Variants in NOTCH3 observed in about 807,000 individuals in gnomAD.
The protein encoded by NOTCH3 is neurogenic locus notch homolog protein 3.
In NOTCH3, 86 loss-of-function variants were observed where a neutral mutation model predicts 213.3. The observed-to-expected ratio is 0.40, with a 90% CI of 0.34 to 0.48. The LOEUF is 0.48. Ranked by LOEUF, NOTCH3 falls within the 20% of genes least tolerant of loss-of-function variation. The pLI, the probability that NOTCH3 is intolerant of heterozygous loss-of-function variation, is 0.57. For missense variants in NOTCH3, 2,783 were observed against 3,272.6 expected, an observed-to-expected ratio of 0.85 and a Z score of 3.65; for synonymous variants, 1,354 against 1,355.9, an observed-to-expected ratio of 1.00 and a Z score of 0.03.
intron 25 of NOTCH3, among the ~76,000 whole-genome samples, chr19:15,173,390 C>G (rs1469188712): frequency 1.6e-4 from 20 of 128,662 alleles, no homozygotes; most frequent in African/African-American, 4.9e-4. Context: ...CCTCTGCACT[C>G]TAGCCTGGGC....
rs146578114 is a variant in NOTCH3, at chr19:15,191,579, G to A, written c.881C>T (p.Thr294Met). The A allele has an allele frequency of 2.2e-5, 35 of 1,613,602 alleles. No individual in the cohort carries two copies. The highest frequency in any genetic ancestry group is 1.1e-4 in the African/African-American group (8 of 74,944). Residue 294 changes from threonine (T) to methionine (M), a missense_variant, in exon 6 of 33, where the codon ACG (threonine) becomes ATG (methionine). Around this residue, in one of 6 missense-constraint regions of NOTCH3, gnomAD observed 708 missense variants for 906.6 expected, o/e 0.78. Coordinates refer to ENST00000263388, the MANE Select transcript of NOTCH3 (RefSeq NM_000435.3). ...ACACACGCAGCTGTGGCCACCCAGC[G>A]TGTTGAAGCAGGTACCCCCATTGTG... ...ACHNGGTCFN[T>M]LGGHSCVCVN...
chr19:15,184,872 G>A, intron 15 of NOTCH3, 34 bp downstream of exon 15: 2 of 1,187,192 alleles, frequency 1.7e-6, no homozygotes, highest in Non-Finnish European at 2.5e-6. Context: ...CAGAGGAGAT[G>A]GAGAGGAGGA....
intron 16 of NOTCH3, among the ~76,000 whole-genome samples, chr19:15,182,506 CA>C (rs71168595): frequency 0.78 from 110,239 of 141,518 alleles, 42,729 homozygotes; most frequent in Non-Finnish European, 0.86. Context: ...GAACTTGTCT[CA>C]AAAAAAAAAA....
Position 15,170,319 on chromosome 19 carries a change from C to G in NOTCH3, c.5114+12G>C. ...CCCGTAGTCAGGGACAGGGAGCGAG[C>G]AGGGTTCTCACTTCATGCCCAGCGC... On this transcript the variant is annotated intron_variant, in intron 27 of 32. Coordinates refer to ENST00000263388, the MANE Select transcript of NOTCH3 (RefSeq NM_000435.3). 6.2e-7 allele frequency: 1 copy of G among 1,609,998 alleles called. No individual in the cohort carries two copies. Among genetic ancestry groups the G allele is most frequent in the South Asian group, 1.1e-5 (1 of 91,008 alleles).
Position 15,170,461 on chromosome 19 carries a change from C to T in NOTCH3, c.4984G>A (p.Val1662Ile). 6.2e-7 allele frequency: 1 copy of T among 1,609,200 alleles called. No homozygotes were observed. The highest frequency in any genetic ancestry group is 8.5e-7 in the Non-Finnish European group (1 of 1,179,976). ...VLLLVILVLG[V>I]MVARRKREHS... ...TCGCGCTTGCGCCGGGCCACCATGA[C>T]ACCCAGGACGAGAATGACCAGCAGC... is the stretch of plus-strand genomic sequence containing the variant. Residue 1662 changes from valine to isoleucine, a missense_variant, in exon 27 of 33, where the codon GTC (valine) becomes ATC (isoleucine). Physicochemically the swap from Val to Ile is conservative, Grantham distance 29 (BLOSUM62 3). Coordinates refer to ENST00000263388, the MANE Select transcript of NOTCH3 (RefSeq NM_000435.3).
chr19:15,179,251 G>A lies in NOTCH3; in HGVS notation c.3492C>T (p.Cys1164=), dbSNP rs377218877. The A allele has an allele frequency of 2.7e-5, 43 of 1,613,758 alleles. No individual in the cohort carries two copies. Among genetic ancestry groups the A allele is most frequent in the Admixed American group, 5.0e-5 (3 of 60,004 alleles). ...GVLCEINEDD[C]GPGPPLDSGP... Reference sequence around the variant, plus strand: ...CTGAGTCCAGCGGTGGGCCTGGGCCGCAGTCATCCTCATTAATCTCGCAGA... The same window carrying A: ...CTGAGTCCAGCGGTGGGCCTGGGCCACAGTCATCCTCATTAATCTCGCAGA... The change falls in exon 22 of 33, where the codon TGC becomes TGT. Residue 1164 remains cysteine (C), a synonymous_variant. Coordinates refer to ENST00000263388, the MANE Select transcript of NOTCH3 (RefSeq NM_000435.3).
chr19:15,170,578 G>A lies in NOTCH3; in HGVS notation c.4892-25C>T, dbSNP rs1234595998. On this transcript the variant is annotated intron_variant, in intron 26 of 32. Transcript: ENST00000263388. ...CCTAAGAGCAGGAAGCAGAGGGCGG[G>A]GCTTCAGCCGAGGGCGGGGCTTTGG... The A allele has an allele frequency of 2.5e-6, 4 of 1,601,250 alleles. No homozygotes were observed. In the African/African-American group the frequency reaches 4.0e-5, roughly 16 times the overall value.
chr19:15,180,402 C>T, intron 19 of NOTCH3, 146 bp from the exon 20 acceptor site: 1 of 960,484 alleles, frequency 1.0e-6, no homozygotes, highest in Non-Finnish European at 1.6e-6. Flanking sequence ...ATCCCCCCAG[C>T]AGGCAAGGTC....
At position 15,181,040 on chromosome 19, in the gene NOTCH3, A is replaced by G; in HGVS notation, c.2915T>C (p.Leu972Pro). Reference sequence around the variant, plus strand: ...GGCGGCGCTGCAGACGCCCCCGTGTAGGCAGGGCCGCGAGAGGCAGGGGTC... The same window carrying G: ...GGCGGCGCTGCAGACGCCCCCGTGTGGGCAGGGCCGCGAGAGGCAGGGGTC... ...EADPCLSRPCLHGGVCSAAHP... is the reference protein window; with the variant it reads ...EADPCLSRPCPHGGVCSAAHP... The change falls in exon 18 of 33, where the codon CTA becomes CCA. Residue 972 changes from leucine (L) to proline (P), a missense_variant. Leu to Pro is a moderately conservative substitution (Grantham distance 98). This residue lies in a region of NOTCH3 where 861 missense variants were observed against 909.1 expected (regional missense o/e 0.95). Transcript: ENST00000263388. 6.2e-7 allele frequency: 1 copy of G among 1,603,840 alleles called. No homozygotes were observed. Among genetic ancestry groups the G allele is most frequent in the South Asian group, 1.1e-5 (1 of 89,438 alleles).
intron 19 of NOTCH3, among the ~76,000 whole-genome samples, 187 bp downstream of exon 19, chr19:15,180,494 T>A (rs1454608235): frequency 6.6e-6 from 1 of 151,946 alleles, no homozygotes; most frequent in Non-Finnish European, 1.5e-5. Context: ...ATCCCTGCTG[T>A]CTCACAGTGA....
chr19:15,197,658 C>T, intron 1 of NOTCH3, 80 bp from the exon 2 acceptor site: 1 of 1,273,796 alleles, frequency 7.9e-7, no homozygotes, highest in South Asian at 1.3e-5. Flanking sequence ...CCCTCCCTCC[C>T]TCCACCAGGC....
chr19:15,199,342 T>C (rs1204055730), intron 1 of NOTCH3, among the ~76,000 whole-genome samples: 3 of 152,222 alleles, frequency 2.0e-5, no homozygotes, highest in Non-Finnish European at 4.4e-5. Flanking sequence ...GTTGTGCGTC[T>C]GTGTATGTGA....
At position 15,170,440 on chromosome 19, in the gene NOTCH3, G is replaced by C. The variant is rs1245716605; in HGVS notation, c.5005C>G (p.Arg1669Gly). 1.2e-6 allele frequency: 2 copies of C among 1,611,352 alleles called. No homozygotes were observed. The highest frequency in any genetic ancestry group is 1.7e-6 in the Non-Finnish European group (2 of 1,179,990). ...VLGVMVARRK[R>G]EHSTLWFPEG... ...GGGAACCAGAGGGTGCTGTGCTCGC[G>C]CTTGCGCCGGGCCACCATGACACCC... Residue 1669 changes from arginine (R) to glycine (G), a missense_variant, in exon 27 of 33, where the codon CGC becomes GGC. Arg to Gly is a moderately radical substitution (Grantham distance 125). This residue lies in a region of NOTCH3 where 636 missense variants were observed against 801.8 expected (regional missense o/e 0.79). Transcript: ENST00000263388.
rs561942131 is a variant in NOTCH3, at chr19:15,188,691, T to G, written c.1378+298A>C. 9.9e-5 allele frequency among the ~76,000 whole-genome samples: 15 copies of G among 151,888 alleles called. No individual in the cohort carries two copies. The East Asian group carries it at 1.9e-3, about 20-fold the overall frequency. On this transcript the variant is annotated intron_variant, in intron 8 of 32. Transcript: ENST00000263388. ...CTTACTGCAAGCTTGTCTGCAGGCT[T>G]CACCTTGACCTCACAGCAGCCCCGA...
In NOTCH3 at chr19:15,160,526, G is replaced by T; in HGVS notation, c.*136C>A. 1 of 824,538 alleles carries T rather than the reference G, an allele frequency of 1.2e-6. No individual in the cohort carries two copies. Among genetic ancestry groups the T allele is most frequent in the East Asian group, 2.4e-5 (1 of 41,052 alleles). The allele number at this position is 824,538 out of a possible 1,614,324, so 51.1% of individuals were successfully genotyped here. A position where few individuals can be genotyped will look rare whatever the true frequency, so the allele number is the denominator to read the frequency against. On this transcript the variant is annotated 3_prime_UTR_variant, in exon 33 of 33. Coordinates refer to ENST00000263388, the MANE Select transcript of NOTCH3 (RefSeq NM_000435.3). ...GCTGATGACCTATCTCGGTCACGCT[G>T]CAAGGCAAGGATGCAGGAGGGTTGG...
In NOTCH3 at chr19:15,192,634, G is replaced by C. The variant is rs1043818650; in HGVS notation, c.198-115C>G. The C allele has an allele frequency of 1.3e-5, 18 of 1,427,260 alleles. No individual in the cohort carries two copies. The African/African-American group carries it at 2.4e-4, about 19-fold the overall frequency. 88.4% of individuals were successfully genotyped at this position (1,427,260 alleles called of 1,614,324 possible). On this transcript the variant is annotated intron_variant, in intron 2 of 32. Coordinates refer to ENST00000263388, the MANE Select transcript of NOTCH3 (RefSeq NM_000435.3). ...GAAACAGAGCAGCAAACACACATTT[G>C]CTGGGAGCAGTGGCTCACGCCTGTA... is the stretch of plus-strand genomic sequence containing the variant.
rs745570525 is a variant in NOTCH3, at chr19:15,189,231, CCT to C, written c.1192+40_1192+41del. ...GGCTGGCCGGGACCCCCTCCTCTCC[CCT>C]CTTTCCCAGCCCATTCACAGACGAT... On this transcript the variant is annotated intron_variant, in intron 7 of 32. Coordinates refer to ENST00000263388, the MANE Select transcript of NOTCH3 (RefSeq NM_000435.3). 10 of 1,613,732 alleles carry C rather than the reference CCT, an allele frequency of 6.2e-6. No individual in the cohort carries two copies. The East Asian group carries it at 6.7e-5, about 11-fold the overall frequency.
At chr19:15,172,037 C>CA (rs1201828178) in intron 25 of NOTCH3, among the ~76,000 whole-genome samples, 1 of 152,190 alleles carries the variant, frequency 6.6e-6, no homozygotes, top group East Asian at 1.9e-4. Context: ...GCTGGGATTA[C>CA]AGGCATGCGC....
Position 15,161,325 on chromosome 19 carries a change from G to T in NOTCH3, c.6303C>A (p.Pro2101=). ...GCCGCGGGGAGTCCAGCGAGTCCAC[G>T]GGCGACAGCGTGACCGAGCTGTCAG... is the stretch of plus-strand genomic sequence containing the variant. ...PLADSSVTLS[P]VDSLDSPRPF... Residue 2101 remains proline (P), a synonymous_variant, in exon 33 of 33, where the codon CCC becomes CCA. Coordinates refer to ENST00000263388, the MANE Select transcript of NOTCH3 (RefSeq NM_000435.3). 1 of 1,523,316 alleles carries T rather than the reference G, an allele frequency of 6.6e-7. No individual in the cohort carries two copies. The highest frequency in any genetic ancestry group is 8.8e-7 in the Non-Finnish European group (1 of 1,137,514). The allele number at this position is 1,523,316 out of a possible 1,614,324, so 94.4% of individuals were successfully genotyped here.
Sources: allele counts gnomAD v4.1 joint callset (sites outside exome capture counted in the v4.1 genomes callset), GRCh38; gene constraint gnomAD v4.1.1; regional missense constraint gnomAD v4.1.1; transcripts MANE v1.5; gene names NCBI Gene and HGNC (gene_info 2026-07-23, HGNC 2026-07-21).